Variants in UVSSA observed in about 807,000 individuals in gnomAD.
UVSSA encodes the protein UV-stimulated scaffold protein A.
UVSSA carries 72 observed loss-of-function variants against 73.9 expected under a neutral mutation model. The observed-to-expected ratio is 0.97, with a 90% CI of 0.81 to 1.19. UVSSA has a LOEUF of 1.19. UVSSA is among the 50% of genes most tolerant of loss of function. The pLI is 0.00. For missense variants in UVSSA, 1,150 were observed against 965.0 expected (o/e 1.19, Z -2.54); for synonymous variants, 454 against 391.3 (o/e 1.16, Z -1.89).
intron 10 of UVSSA, among the ~76,000 whole-genome samples, chr4:1,376,783 C>T (rs978086692): frequency 6.6e-6 from 1 of 152,206 alleles, no homozygotes; most frequent in African/African-American, 2.4e-5. Context: ...CACGGCCTAT[C>T]GGGGGAACAG....
In UVSSA at chr4:1,386,032, C is replaced by T. The variant is rs1262963854; in HGVS notation, c.*71C>T. 22 of 1,507,512 alleles carry T rather than the reference C, an allele frequency of 1.5e-5. No individual in the cohort carries two copies. Among genetic ancestry groups the T allele is most frequent in the African/African-American group, 1.1e-4 (8 of 72,838 alleles). The allele number at this position is 1,507,512 out of a possible 1,614,324, so 93.4% of individuals were successfully genotyped here. On this transcript the variant is annotated 3_prime_UTR_variant, in exon 14 of 14. Transcript: ENST00000389851. ...CAGTGTCTCAGGACAGCAGAGTGGG[C>T]GTGGGTCTGGGCAGTAACCATGCTT...
chr4:1,395,759 C>T (rs367966601), exon 14 of UVSSA: 126 of 1,614,076 alleles, frequency 7.8e-5, no homozygotes, highest in South Asian at 2.7e-4. Context: ...CCGAGTCAGA[C>T]GCTGTTACCG....
intron 10 of UVSSA, among the ~76,000 whole-genome samples, chr4:1,379,607 T>C (rs1024325257): frequency 2.0e-5 from 3 of 152,178 alleles, no homozygotes; most frequent in Non-Finnish European, 4.4e-5. Context: ...GCCCTGTCCT[T>C]ACGTCCCTGC....
rs538296809 is a variant in UVSSA, at chr4:1,394,408, C to T, written c.*8447C>T. ...CTAGTACTTTTATGGGTTTCATTTT[C>T]ATATTGAAATCATTGATCTACTTCT... On this transcript the variant is annotated 3_prime_UTR_variant, in exon 14 of 14. Coordinates refer to the UVSSA transcript ENST00000511216. 126 of 1,551,998 alleles carry T rather than the reference C, an allele frequency of 8.1e-5. 2 individuals carry two copies. In the East Asian group the frequency reaches 2.7e-3, roughly 33 times the overall value.
chr4:1,346,120 G>C (rs1454999220), upstream of UVSSA, among the ~76,000 whole-genome samples: 3 of 152,228 alleles, frequency 2.0e-5, no homozygotes, highest in Non-Finnish European at 2.9e-5. Flanking sequence ...GCAGAGAGGG[G>C]CGGCGCAGGG....
intron 7 of UVSSA, chr4:1,359,473 T>C (rs1349979053): frequency 6.6e-6 from 1 of 152,270 alleles, no homozygotes; most frequent in Non-Finnish European, 1.5e-5. Context: ...TACTTTGTAT[T>C]GTGTAATTAA....
Position 1,382,090 on chromosome 4 carries a change from G to A in UVSSA, c.1861+1102G>A, listed in dbSNP as rs77978549. Among the ~76,000 whole-genome samples, 400 of 152,292 alleles carry A rather than the reference G, an allele frequency of 2.6e-3. 1 individual carries two copies. Among genetic ancestry groups the A allele is most frequent in the African/African-American group, 9.1e-3 (379 of 41,554 alleles). On this transcript the variant is annotated intron_variant, in intron 12 of 13. Transcript: ENST00000389851. ...CCAAGCTGTCTCTGTCATGGCTCCC[G>A]GGTGTCTTGCACTCTGGTCATGAGA...
intron 7 of UVSSA, among the ~76,000 whole-genome samples, chr4:1,364,889 G>A (rs1717114160): frequency 6.6e-6 from 1 of 152,180 alleles, no homozygotes; most frequent in Non-Finnish European, 1.5e-5. Flanking sequence ...TGACCGCCCT[G>A]CTGTGCTGAG....
chr4:1,354,333 G>GC (rs1249338557), intron 5 of UVSSA, among the ~76,000 whole-genome samples: 1 of 151,974 alleles, frequency 6.6e-6, no homozygotes, highest in Non-Finnish European at 1.5e-5. Context: ...CGGAGGAGAG[G>GC]CCGGGGGGGT....
At chr4:1,385,500 C>T (rs1382716924) in intron 13 of UVSSA, 8 of 309,104 alleles carry the variant, frequency 2.6e-5, no homozygotes, top group Non-Finnish European at 5.0e-5. Context: ...CCTGACGCCT[C>T]CTGGCTGCAT....
upstream of UVSSA, among the ~76,000 whole-genome samples, chr4:1,345,186 G>A (rs1713574951): frequency 6.6e-6 from 1 of 152,180 alleles, no homozygotes; most frequent in African/African-American, 2.4e-5. Flanking sequence ...GGGTGGCCAG[G>A]AATTGGCAGT....
At chr4:1,379,714 A>C (rs1018619265) in intron 10 of UVSSA, among the ~76,000 whole-genome samples, 3 of 151,880 alleles carry the variant, frequency 2.0e-5, no homozygotes, top group Admixed American at 2.0e-4. Flanking sequence ...GGGAGAGCCC[A>C]TCTTGCAGGT....
At chr4:1,350,186 G>C (rs1714480723) in intron 3 of UVSSA, among the ~76,000 whole-genome samples, 1 of 152,198 alleles carries the variant, frequency 6.6e-6, no homozygotes, top group African/African-American at 2.4e-5. Context: ...AACGTTTTCT[G>C]TGACAGTGGC....
At chr4:1,364,338 G>T (rs1450124280) in intron 7 of UVSSA, among the ~76,000 whole-genome samples, 2 of 148,834 alleles carry the variant, frequency 1.3e-5, no homozygotes, top group Admixed American at 6.7e-5. Context: ...CCACCTCCCC[G>T]CACGGTGCTG....
At chr4:1,349,440 C>T (rs1333090739) in intron 2 of UVSSA, 84 bp from the exon 3 acceptor site, 10 of 1,330,440 alleles carry the variant, frequency 7.5e-6, no homozygotes, top group East Asian at 7.1e-5. Flanking sequence ...GCCACACGTG[C>T]GTGCGGCATC....
Position 1,355,239 on chromosome 4 carries a change from G to A in UVSSA, c.1170G>A (p.Arg390=), listed in dbSNP as rs781313597. The A allele has an allele frequency of 6.8e-6, 11 of 1,611,606 alleles. No individual in the cohort carries two copies. The Admixed American group carries it at 8.4e-5, about 12-fold the overall frequency. ...ELDIEPEGGE[R]RRTEALGDAE... is the part of the protein sequence containing the mutation. ...ACATCGAGCCTGAGGGAGGGGAAAG[G>A]CGCAGGGTGAGTGGGCAGGCGGCGA... The change falls in exon 7 of 14, where the codon AGG becomes AGA. Residue 390 remains arginine (R), a synonymous_variant. Coordinates refer to ENST00000389851, the MANE Select transcript of UVSSA (RefSeq NM_020894.4).
chr4:1,363,460 C>G (rs1213535166), intron 7 of UVSSA, among the ~76,000 whole-genome samples: 2 of 152,154 alleles, frequency 1.3e-5, no homozygotes, highest in African/African-American at 4.8e-5. Context: ...GAACAGGAAG[C>G]ATAATATTTT....
intron 8 of UVSSA, among the ~76,000 whole-genome samples, chr4:1,374,066 G>A (rs1293793405): frequency 1.3e-5 from 2 of 152,178 alleles, no homozygotes; most frequent in Admixed American, 6.5e-5. Flanking sequence ...TGCTCGGTCC[G>A]TTTTCTTTCC....
chr4:1,366,096 T>C, intron 7 of UVSSA: 1 of 408,482 alleles, frequency 2.4e-6, no homozygotes, highest in South Asian at 4.1e-5. Flanking sequence ...ACATAGACTC[T>C]AAACAGCCCC....
Sources: allele counts gnomAD v4.1 joint callset (sites outside exome capture counted in the v4.1 genomes callset), GRCh38; gene constraint gnomAD v4.1.1; transcripts MANE v1.5; gene names NCBI Gene and HGNC (gene_info 2026-07-23, HGNC 2026-07-21).